The following SOCS6 variants were observed in gnomAD, a reference collection of about 807,000 sequenced individuals.
SOCS6 encodes the protein STAT induced STAT inhibitor-4.
Under a neutral mutation model 27.7 loss-of-function variants are expected in SOCS6, and 5 were observed. The observed-to-expected ratio is 0.18, with a 90% CI of 0.09 to 0.38. The LOEUF is 0.38. SOCS6 is among the 10% of genes least tolerant of loss of function. SOCS6 has a pLI of 1.00. For missense variants in SOCS6, 595 were observed against 688.1 expected, an observed-to-expected ratio of 0.86 and a Z score of 1.51; for synonymous variants, 271 against 260.0, an observed-to-expected ratio of 1.04 and a Z score of -0.41.
At chr18:70,321,113 A>G (rs1048602891) in intron 1 of SOCS6, among the ~76,000 whole-genome samples, 1 of 151,854 alleles carries the variant, frequency 6.6e-6, no homozygotes, top group African/African-American at 2.4e-5. Flanking sequence ...TCTCTACAAA[A>G]AGTAGACAAA....
rs78197055 is a variant in SOCS6, at chr18:70,311,260, T to C, written c.-126-13283T>C. Among the ~76,000 whole-genome samples the C allele has an allele frequency of 1.5e-3, 228 of 152,270 alleles. 1 individual carries two copies. Among genetic ancestry groups the C allele is most frequent in the Admixed American group, 4.3e-3 (65 of 15,280 alleles). ...TTCATCCTTGTGTTTTTGCTATTGC[T>C]TGAAGAGGGAAGCAAAAGGCTGAAA... On this transcript the variant is annotated intron_variant, in intron 1 of 1. Transcript: ENST00000397942.
intron 1 of SOCS6, among the ~76,000 whole-genome samples, chr18:70,293,461 C>T (rs2062309177): frequency 6.6e-6 from 1 of 152,150 alleles, no homozygotes; most frequent in Non-Finnish European, 1.5e-5. Context: ...GAAGTATAGT[C>T]ATGTATAGTG....
At position 70,329,084 on chromosome 18, in the gene SOCS6, G is replaced by A. The variant is rs980801999; in HGVS notation, c.*2808G>A. 6.0e-6 allele frequency: 1 copy of A among 167,050 alleles called. No individual in the cohort carries two copies. The highest frequency in any genetic ancestry group is 1.9e-4 in the East Asian group (1 of 5,202). The allele number at this position is 167,050 out of a possible 1,614,324, so 10.3% of individuals were successfully genotyped here. A position where few individuals can be genotyped will look rare whatever the true frequency, so the allele number is the denominator to read the frequency against. On this transcript the variant is annotated 3_prime_UTR_variant, in exon 2 of 2. Coordinates refer to ENST00000397942, the MANE Select transcript of SOCS6 (RefSeq NM_004232.4). The stretch of plus-strand genomic sequence containing the variant: ...TCATCACGAAATATGATGGAGGCCA[G>A]AAGCTATTTTTAGGCTTACTATAAC...
Position 70,326,051 on chromosome 18 carries a change from A to T in SOCS6, c.1383A>T (p.Ser461=). The T allele has an allele frequency of 1.9e-6, 3 of 1,614,244 alleles. No individual in the cohort carries two copies. The highest frequency in any genetic ancestry group is 2.5e-6 in the Non-Finnish European group (3 of 1,180,030). The part of the protein sequence containing the change: ...HTSIVDLIEH[S]IRDSENGAFC... ...CCATAGTTGATCTAATTGAGCATTC[A>T]ATCAGGGACTCTGAAAATGGAGCTT... Residue 461 remains serine, a synonymous_variant, in exon 2 of 2, where the codon TCA becomes TCT. Transcript: ENST00000397942.
At chr18:70,293,057 A>C (rs2146257887) in intron 1 of SOCS6, among the ~76,000 whole-genome samples, 1 of 151,684 alleles carries the variant, frequency 6.6e-6, no homozygotes, top group Middle Eastern at 3.4e-3. Flanking sequence ...ACCCCCCCCA[A>C]ATAAGTTCTA....
At position 70,324,949 on chromosome 18, in the gene SOCS6, C is replaced by G; in HGVS notation, c.281C>G (p.Pro94Arg). The change falls in exon 2 of 2, where the codon CCC (proline) becomes CGC (arginine). Residue 94 changes from proline to arginine, a missense_variant. This residue lies in a region of SOCS6 where 467 missense variants were observed against 481.1 expected (regional missense o/e 0.97). Transcript: ENST00000397942. ...KQKSKGKAGT[P>R]SGSSADEDTF... The stretch of plus-strand genomic sequence containing the variant: ...AAGTCAAAAGGCAAGGCGGGCACAC[C>G]CTCTGGGAGCTCTGCCGACGAGGAC... 1 of 1,614,198 alleles carries G rather than the reference C, an allele frequency of 6.2e-7. No individual in the cohort carries two copies. Among genetic ancestry groups the G allele is most frequent in the Non-Finnish European group, 8.5e-7 (1 of 1,180,040 alleles).
chr18:70,304,000 C>T (rs930824479), intron 1 of SOCS6, among the ~76,000 whole-genome samples: 1 of 152,118 alleles, frequency 6.6e-6, no homozygotes, highest in African/African-American at 2.4e-5. Context: ...TTACCTACCT[C>T]ACACATAAAT....
intron 1 of SOCS6, among the ~76,000 whole-genome samples, chr18:70,294,814 C>T (rs2062316331): frequency 6.6e-6 from 1 of 152,194 alleles, no homozygotes; most frequent in South Asian, 2.1e-4. Context: ...CCGCACTTGC[C>T]TTCTCTGCAG....
In SOCS6 at chr18:70,325,488, G is replaced by C; in HGVS notation, c.820G>C (p.Val274Leu). The C allele has an allele frequency of 6.2e-7, 1 of 1,614,166 alleles. No homozygotes were observed. The highest frequency in any genetic ancestry group is 8.5e-7 in the Non-Finnish European group (1 of 1,180,040). ...EDESQVDQDL[V>L]VAPEIFVDQS... ...TGAGAGTCAGGTAGACCAGGACCTA[G>C]TTGTCGCCCCAGAGATCTTCGTGGA... Residue 274 changes from valine (V) to leucine (L), a missense_variant, in exon 2 of 2, where the codon GTT (valine) becomes CTT (leucine). Physicochemically the swap from Val to Leu is conservative, Grantham distance 32. This residue lies in a region of SOCS6 where 467 missense variants were observed against 481.1 expected (regional missense o/e 0.97). Transcript: ENST00000397942. The surrounding 1 kb of genome is among the most constrained non-coding windows in gnomAD (Gnocchi z 6.3).
At chr18:70,299,492 G>C (rs1323503759) in intron 1 of SOCS6, among the ~76,000 whole-genome samples, 1 of 152,138 alleles carries the variant, frequency 6.6e-6, no homozygotes, top group Non-Finnish European at 1.5e-5. Context: ...GAATCTTGTA[G>C]TTAGAGTTTC....
intron 1 of SOCS6, among the ~76,000 whole-genome samples, chr18:70,293,344 C>T (rs1426219663): frequency 3.3e-5 from 5 of 152,080 alleles, no homozygotes; most frequent in African/African-American, 9.7e-5. Flanking sequence ...CCCCAACAGC[C>T]CCACAGAGAG....
At chr18:70,304,003 AC>A (rs1424963981) in intron 1 of SOCS6, among the ~76,000 whole-genome samples, 1 of 152,230 alleles carries the variant, frequency 6.6e-6, no homozygotes, top group Non-Finnish European at 1.5e-5. Flanking sequence ...CCTACCTCAC[AC>A]ATAAATCGTA....
intron 1 of SOCS6, among the ~76,000 whole-genome samples, chr18:70,299,306 C>T (rs562733617): frequency 1.3e-5 from 2 of 152,252 alleles, no homozygotes; most frequent in East Asian, 3.9e-4. Flanking sequence ...TTCCCACTAC[C>T]TCCTCAGATT....
At position 70,329,250 on chromosome 18, in the gene SOCS6, A is replaced by G. The variant is rs1326928293; in HGVS notation, c.*2974A>G. 7 of 167,128 alleles carry G rather than the reference A, an allele frequency of 4.2e-5. No individual in the cohort carries two copies. The highest frequency in any genetic ancestry group is 7.3e-5 in the Non-Finnish European group (5 of 68,122). The allele number at this position is 167,128 out of a possible 1,614,324, so 10.4% of individuals were successfully genotyped here. ...AGAAGGTCAAAATATGTCACAGGAA[A>G]TGATCATAGACCTAAAAATAGTTTT... is the stretch of plus-strand genomic sequence containing the variant. On this transcript the variant is annotated 3_prime_UTR_variant, in exon 2 of 2. Transcript: ENST00000397942.
chr18:70,295,214 C>T (rs2062317910), intron 1 of SOCS6, among the ~76,000 whole-genome samples: 1 of 152,178 alleles, frequency 6.6e-6, no homozygotes, highest in East Asian at 1.9e-4. Flanking sequence ...ATGTATGGCT[C>T]CTATTAGATA....
chr18:70,320,580 A>C (rs1435664887), intron 1 of SOCS6, among the ~76,000 whole-genome samples: 1 of 152,208 alleles, frequency 6.6e-6, no homozygotes, highest in African/African-American at 2.4e-5. Flanking sequence ...GAGAGAGTCC[A>C]CATTCTCATA....
chr18:70,310,225 AAGG>A (rs1379953320), intron 1 of SOCS6, among the ~76,000 whole-genome samples: 2 of 151,988 alleles, frequency 1.3e-5, no homozygotes, highest in Admixed American at 6.6e-5. Context: ...ACTTTTGGGG[AAGG>A]AGATTTATTG....
chr18:70,291,088 GC>G (rs111586854), intron 1 of SOCS6, among the ~76,000 whole-genome samples: 37,126 of 151,982 alleles, frequency 0.24, 4,660 homozygotes, highest in Middle Eastern at 0.37. Flanking sequence ...TCTTTTAATG[GC>G]CCCCCTTTTT....
At position 70,326,443 on chromosome 18, in the gene SOCS6, T is replaced by A. The variant is rs1911212379; in HGVS notation, c.*167T>A. 7.9e-6 allele frequency: 5 copies of A among 630,472 alleles called. No individual in the cohort carries two copies. Among genetic ancestry groups the A allele is most frequent in the Admixed American group, 6.7e-5 (2 of 29,984 alleles). 39.1% of individuals were successfully genotyped at this position (630,472 alleles called of 1,614,324 possible). A position where few individuals can be genotyped will look rare whatever the true frequency, so the allele number is the denominator to read the frequency against. ...GGGGTGGGGAAGTGTCAGCAAGGTG[T>A]CTTGGGTTTATTTTGGTTCTTTAAA... On this transcript the variant is annotated 3_prime_UTR_variant, in exon 2 of 2. Transcript: ENST00000397942.
Sources: allele counts gnomAD v4.1 joint callset (sites outside exome capture counted in the v4.1 genomes callset), GRCh38; gene constraint gnomAD v4.1.1; regional missense constraint gnomAD v4.1.1; non-coding constraint Gnocchi (gnomAD v3.1); transcripts MANE v1.5; gene names NCBI Gene and HGNC (gene_info 2026-07-23, HGNC 2026-07-21).